The following DLG2 variants were observed in gnomAD, a reference collection of about 807,000 sequenced individuals.
DLG2 encodes the protein discs large MAGUK scaffold protein 2, also known as disks large homolog 2.
In DLG2, 45 loss-of-function variants were observed where a neutral mutation model predicts 132.5. That is an observed-to-expected ratio of 0.34 (90% CI 0.27 to 0.44). The LOEUF (loss-of-function observed/expected upper bound fraction) is 0.44. Ranked by LOEUF, DLG2 falls within the 20% of genes least tolerant of loss-of-function variation. The probability of loss-of-function intolerance (pLI) is 1.00; values close to 1 mark genes in which losing one functional copy is unlikely to be tolerated. For synonymous variants in DLG2, 424 were observed against 419.6 expected, an observed-to-expected ratio of 1.01 and a Z score of -0.13; for missense variants, 1,045 against 1,196.9, an observed-to-expected ratio of 0.87 and a Z score of 1.87.
intron 18 of DLG2, among the ~76,000 whole-genome samples, chr11:83,641,851 A>G (rs534183962): frequency 9.5e-5 from 13 of 136,962 alleles, no homozygotes; most frequent in Non-Finnish European, 1.7e-4. Context: ...TTACAAATCC[A>G]AGAGAGAGGG....
intron 6 of DLG2, among the ~76,000 whole-genome samples, chr11:84,950,780 A>G (rs1212299052): frequency 6.6e-6 from 1 of 152,056 alleles, no homozygotes; most frequent in East Asian, 1.9e-4. Flanking sequence ...CTATCTGCGG[A>G]TATCTGTGAG....
At chr11:84,056,672 A>G (rs976702088) in intron 11 of DLG2, among the ~76,000 whole-genome samples, 40 of 152,216 alleles carry the variant, frequency 2.6e-4, no homozygotes, top group Non-Finnish European at 5.4e-4. Context: ...ACCACGAGGT[A>G]TCATCAGAGT....
chr11:85,485,895 T>A (rs1249792082), intron 3 of DLG2, among the ~76,000 whole-genome samples: 1 of 152,146 alleles, frequency 6.6e-6, no homozygotes, highest in Non-Finnish European at 1.5e-5. Flanking sequence ...GAGGCAGGAC[T>A]GACACAGCCA....
chr11:85,052,863 T>C (rs555985661), intron 6 of DLG2, among the ~76,000 whole-genome samples: 1 of 152,306 alleles, frequency 6.6e-6, no homozygotes, highest in African/African-American at 2.4e-5. Flanking sequence ...CTTCAGACCC[T>C]CCTCATTGTA....
At chr11:85,079,353 AGAG>A in intron 6 of DLG2, among the ~76,000 whole-genome samples, 1 of 152,172 alleles carries the variant, frequency 6.6e-6, no homozygotes, top group South Asian at 2.1e-4. Flanking sequence ...CTGAATTCCA[AGAG>A]GAGGAGGATA....
At chr11:85,386,348 G>C (rs1223005072) in intron 3 of DLG2, among the ~76,000 whole-genome samples, 1 of 152,098 alleles carries the variant, frequency 6.6e-6, no homozygotes, top group African/African-American at 2.4e-5. Flanking sequence ...AGATAAAATA[G>C]TTTGATCAAA....
chr11:84,490,963 A>T (rs1032008399), intron 7 of DLG2, among the ~76,000 whole-genome samples: 1 of 151,930 alleles, frequency 6.6e-6, no homozygotes, highest in East Asian at 1.9e-4. Context: ...CATTATCTTC[A>T]TATGGGATAT....
chr11:83,984,245 G>A (rs1324795303), intron 11 of DLG2, among the ~76,000 whole-genome samples: 3 of 151,812 alleles, frequency 2.0e-5, no homozygotes, highest in African/African-American at 4.8e-5. Context: ...TAAAAATCGA[G>A]TAACATTTTT....
intron 7 of DLG2, among the ~76,000 whole-genome samples, chr11:84,371,914 C>T (rs1410324385): frequency 6.6e-6 from 1 of 152,146 alleles, no homozygotes; most frequent in Non-Finnish European, 1.5e-5. Flanking sequence ...CGGAAAAGGG[C>T]AGTCATTTTG....
chr11:85,624,758 C>T (rs2081947820), intron 2 of DLG2, among the ~76,000 whole-genome samples: 1 of 152,096 alleles, frequency 6.6e-6, no homozygotes, highest in Admixed American at 6.5e-5. Context: ...AAATATACAA[C>T]ATATACTCTG....
intron 7 of DLG2, among the ~76,000 whole-genome samples, chr11:84,418,579 G>C (rs1447588878): frequency 6.6e-6 from 1 of 152,132 alleles, no homozygotes; most frequent in East Asian, 1.9e-4. Context: ...TTATTGCACT[G>C]TATTTTCTTG....
At chr11:84,761,973 G>A (rs1253306488) in intron 6 of DLG2, 1 of 151,892 alleles carries the variant, frequency 6.6e-6, no homozygotes, top group Non-Finnish European at 1.5e-5. Context: ...ATTTCTGAGG[G>A]CCCATCCTAT....
intron 8 of DLG2, among the ~76,000 whole-genome samples, chr11:84,178,170 G>T (rs1311754203): frequency 6.6e-6 from 1 of 152,026 alleles, no homozygotes; most frequent in South Asian, 2.1e-4. Flanking sequence ...TGCCAGAGGG[G>T]GCCAACTTCA....
At chr11:84,156,838 T>C (rs1468561938) in intron 9 of DLG2, among the ~76,000 whole-genome samples, 1 of 152,196 alleles carries the variant, frequency 6.6e-6, no homozygotes, top group African/African-American at 2.4e-5. Flanking sequence ...AAGAGACCCA[T>C]TAAAGTTGTC....
intron 11 of DLG2, among the ~76,000 whole-genome samples, chr11:83,990,519 G>A (rs1375391512): frequency 6.6e-6 from 1 of 152,192 alleles, no homozygotes; most frequent in Non-Finnish European, 1.5e-5. Context: ...CTACGCTGAG[G>A]AGGAGGTGTC....
chr11:85,209,047 C>T (rs1007169138), intron 4 of DLG2, among the ~76,000 whole-genome samples: 1 of 152,114 alleles, frequency 6.6e-6, no homozygotes, highest in Non-Finnish European at 1.5e-5. Flanking sequence ...CAGCAAAAAG[C>T]ATTGATCTGG....
At chr11:85,491,837 G>C (rs1394836614) in intron 3 of DLG2, among the ~76,000 whole-genome samples, 5 of 151,982 alleles carry the variant, frequency 3.3e-5, no homozygotes, top group African/African-American at 1.2e-4. Flanking sequence ...GCTATCTATA[G>C]AGACAATGCA....
intron 7 of DLG2, among the ~76,000 whole-genome samples, chr11:84,477,240 A>G (rs1176944144): frequency 6.6e-6 from 1 of 152,072 alleles, no homozygotes; most frequent in Non-Finnish European, 1.5e-5. Flanking sequence ...CGTGCCTGTA[A>G]TCCCAGCTCT....
At chr11:85,141,258 A>G (rs1373314957) in intron 5 of DLG2, among the ~76,000 whole-genome samples, 1 of 151,894 alleles carries the variant, frequency 6.6e-6, no homozygotes, top group Non-Finnish European at 1.5e-5. Flanking sequence ...GATAAAAGCC[A>G]TTTTAACTGG....
Sources: allele counts gnomAD v4.1 joint callset (sites outside exome capture counted in the v4.1 genomes callset), GRCh38; gene constraint gnomAD v4.1.1; transcripts MANE v1.5; gene names NCBI Gene and HGNC (gene_info 2026-07-23, HGNC 2026-07-21).